Variants in MED13L observed in about 807,000 individuals in gnomAD.
The protein encoded by MED13L is mediator complex subunit 13L, also known as mediator of RNA polymerase II transcription subunit 13-like.
Under a neutral mutation model 220.9 loss-of-function variants are expected in MED13L, and 7 were observed. The observed-to-expected ratio is 0.03, with a 90% CI of 0.02 to 0.06. The LOEUF is 0.06. Among genes scored for constraint, MED13L ranks in the 10% least tolerant of loss-of-function variants. MED13L has a pLI of 1.00. For missense variants in MED13L, 1,965 were observed against 2,760.5 expected (o/e 0.71, Z 6.46); for synonymous variants, 1,011 against 1,015.2 (o/e 1.00, Z 0.08).
At chr12:116,095,581 G>C (rs958403343) in intron 4 of MED13L, among the ~76,000 whole-genome samples, 2 of 152,196 alleles carry the variant, frequency 1.3e-5, no homozygotes, top group African/African-American at 4.8e-5. Flanking sequence ...GGAGTTTCCA[G>C]CTGAAATTTT....
chr12:116,089,259 A>C (rs1421538734), intron 4 of MED13L, among the ~76,000 whole-genome samples: 1 of 152,178 alleles, frequency 6.6e-6, no homozygotes, highest in Non-Finnish European at 1.5e-5. Flanking sequence ...TGTGTTGCCC[A>C]GGCTGGACTT....
chr12:116,007,381 A>C, intron 11 of MED13L, 30 bp downstream of exon 11: 16 of 1,575,658 alleles, frequency 1.0e-5, no homozygotes, highest in Admixed American at 1.7e-5. Flanking sequence ...AACCCACACC[A>C]TGCTGGACTC....
At chr12:115,997,772 C>T (rs972862755) in intron 14 of MED13L, among the ~76,000 whole-genome samples, 1 of 152,134 alleles carries the variant, frequency 6.6e-6, no homozygotes, top group Non-Finnish European at 1.5e-5. Flanking sequence ...TCTGGCTTCA[C>T]ATTAATTAAG....
At chr12:116,062,013 A>G (rs545442826) in intron 4 of MED13L, among the ~76,000 whole-genome samples, 1,805 of 151,096 alleles carry the variant, frequency 0.012, 19 homozygotes, top group Non-Finnish European at 0.017. Context: ...ACATCGAAAA[A>G]AAAAAAAAAA....
chr12:115,993,644 T>TA (rs1251826930), intron 16 of MED13L, among the ~76,000 whole-genome samples: 2 of 152,164 alleles, frequency 1.3e-5, no homozygotes, highest in Admixed American at 6.5e-5. Flanking sequence ...ATCTTTACTC[T>TA]AACTGGACTC....
At chr12:116,227,831 G>C (rs918708903) in intron 2 of MED13L, among the ~76,000 whole-genome samples, 5 of 152,148 alleles carry the variant, frequency 3.3e-5, no homozygotes, top group Non-Finnish European at 7.4e-5. Flanking sequence ...AGTGAGAAAT[G>C]ATTAAGCTTA....
At chr12:116,246,628 C>A (rs886092496) in intron 1 of MED13L, among the ~76,000 whole-genome samples, 3 of 148,102 alleles carry the variant, frequency 2.0e-5, no homozygotes, top group Non-Finnish European at 4.5e-5. Flanking sequence ...GGCAAGACAG[C>A]AAGACCTTGT....
At chr12:116,052,756 A>G (rs1381328324) in intron 4 of MED13L, among the ~76,000 whole-genome samples, 2 of 152,254 alleles carry the variant, frequency 1.3e-5, no homozygotes, top group Admixed American at 1.3e-4. Flanking sequence ...ACAGACCCAG[A>G]GACTGGGAAG....
At chr12:116,044,648 C>T (rs1401234928) in intron 4 of MED13L, among the ~76,000 whole-genome samples, 1 of 152,204 alleles carries the variant, frequency 6.6e-6, no homozygotes, top group Non-Finnish European at 1.5e-5. Flanking sequence ...ATCTGGTAGA[C>T]AACTATGACC....
rs535733225 is a variant in MED13L at position 116,035,531 on chromosome 12, G to A, written c.480-12930C>T. Among the ~76,000 whole-genome samples, 6 of 151,944 alleles carry A rather than the reference G, an allele frequency of 3.9e-5. No homozygotes were observed. The East Asian group carries it at 1.2e-3, about 29-fold the overall frequency. Reference sequence around the variant, plus strand: ...AAGCTATATAATATATTTTGTAATGGCTAAAATTCTATATTCTCAAGGTCC... The same window carrying A: ...AAGCTATATAATATATTTTGTAATGACTAAAATTCTATATTCTCAAGGTCC... On this transcript the variant is annotated intron_variant, in intron 4 of 30. Transcript: ENST00000281928.
At chr12:116,015,733 T>C (rs1251846574) in intron 7 of MED13L, among the ~76,000 whole-genome samples, 2 of 152,216 alleles carry the variant, frequency 1.3e-5, no homozygotes, top group African/African-American at 4.8e-5. Flanking sequence ...TAAATGGCTG[T>C]ATATCAGCAG....
chr12:116,264,198 G>A (rs1872680686), intron 1 of MED13L, among the ~76,000 whole-genome samples: 1 of 152,094 alleles, frequency 6.6e-6, no homozygotes, highest in African/African-American at 2.4e-5. Context: ...ATTTTCTGGG[G>A]CAGCCAACTA....
chr12:115,999,613 T>A (rs748753608), intron 14 of MED13L, among the ~76,000 whole-genome samples: 3 of 152,178 alleles, frequency 2.0e-5, no homozygotes, highest in Non-Finnish European at 4.4e-5. Flanking sequence ...GTATAAATTC[T>A]CTTTAAGTTA....
At chr12:116,003,280 G>C (rs897203048) in intron 13 of MED13L, among the ~76,000 whole-genome samples, 178 bp from the exon 14 acceptor site, 1 of 152,168 alleles carries the variant, frequency 6.6e-6, no homozygotes, top group African/African-American at 2.4e-5. Context: ...CTTATCAAGT[G>C]TAAGAAACAG....
chr12:116,116,351 T>TA (rs1304830488), intron 2 of MED13L, among the ~76,000 whole-genome samples: 1 of 152,020 alleles, frequency 6.6e-6, no homozygotes, highest in Admixed American at 6.6e-5. Context: ...GAAGCTTTCA[T>TA]AAAAACCCAA....
rs1250024557 is a variant in MED13L at position 115,982,543 on chromosome 12, G to A, written c.5016C>T (p.Ala1672=). The change falls in exon 22 of 31, where the codon GCC becomes GCT. Residue 1672 remains alanine (A), a synonymous_variant. Coordinates refer to ENST00000281928, the MANE Select transcript of MED13L (RefSeq NM_015335.5). ...PTEPDSADSH[A]HPPAVVIYMV... The stretch of plus-strand genomic sequence containing the variant: ...TGTAAATGACAACAGCTGGAGGGTG[G>A]GCATGGCTGTCTGCAGAGTCAGGCT... 1.2e-6 allele frequency: 2 copies of A among 1,614,078 alleles called. No individual in the cohort carries two copies. Among genetic ancestry groups the A allele is most frequent in the African/African-American group, 2.7e-5 (2 of 75,010 alleles).
At chr12:116,126,230 TG>T (rs1875575014) in intron 2 of MED13L, among the ~76,000 whole-genome samples, 1 of 152,214 alleles carries the variant, frequency 6.6e-6, no homozygotes, top group Non-Finnish European at 1.5e-5. Flanking sequence ...ATATGAAAAC[TG>T]CAAGTCCTTT....
chr12:116,045,889 T>C (rs893326157), intron 4 of MED13L, among the ~76,000 whole-genome samples: 1 of 151,898 alleles, frequency 6.6e-6, no homozygotes. Flanking sequence ...TAAATATATA[T>C]ATATTTCTAT....
chr12:116,197,968 T>G (rs921743222), intron 2 of MED13L, among the ~76,000 whole-genome samples: 1 of 152,098 alleles, frequency 6.6e-6, no homozygotes, highest in Non-Finnish European at 1.5e-5. Context: ...AGAATTTCCA[T>G]TGAAAAGAAA....
Sources: gnomAD v4.1 joint callset for allele counts (sites outside exome capture counted in the v4.1 genomes callset) on GRCh38, gnomAD v4.1.1 for gene constraint, MANE v1.5 for transcripts, NCBI Gene and HGNC (gene_info 2026-07-23, HGNC 2026-07-21) for gene names.